Variants in R3HDM1 observed in about 807,000 individuals in gnomAD.
R3HDM1 encodes R3H domain containing 1.
Under a neutral mutation model 141.1 loss-of-function variants are expected in R3HDM1, and 46 were observed. The ratio of observed to expected loss-of-function variants is 0.33; its 90% CI spans 0.26 to 0.42. The LOEUF is 0.42. Among genes scored for constraint, R3HDM1 ranks in the 10% least tolerant of loss-of-function variants. The probability of loss-of-function intolerance (pLI) is 1.00; values close to 1 mark genes in which losing one functional copy is unlikely to be tolerated. For synonymous variants in R3HDM1, 435 were observed against 472.9 expected, an observed-to-expected ratio of 0.92 and a Z score of 1.04; for missense variants, 1,184 against 1,368.3, an observed-to-expected ratio of 0.87 and a Z score of 2.12.
At chr2:135,696,175 C>T (rs2073208108) in intron 21 of R3HDM1, among the ~76,000 whole-genome samples, 1 of 152,036 alleles carries the variant, frequency 6.6e-6, no homozygotes, top group South Asian at 2.1e-4. Context: ...TTGATAACAG[C>T]AACATGGATG....
intron 1 of R3HDM1, chr2:135,581,249 G>T (rs1706736556): frequency 1.0e-6 from 1 of 985,304 alleles, no homozygotes; most frequent in Non-Finnish European, 1.2e-6. Flanking sequence ...TGGGGTATAA[G>T]ATCCTTGAGA....
At chr2:135,548,131 A>G (rs1311661862) in intron 1 of R3HDM1, among the ~76,000 whole-genome samples, 2 of 152,178 alleles carry the variant, frequency 1.3e-5, no homozygotes, top group East Asian at 3.9e-4. Context: ...ACAGAATCAT[A>G]TTCCTTTTGT....
rs1399299759 is a variant in R3HDM1 at position 135,532,281 on chromosome 2, C to T, written c.-250+648C>T. On this transcript the variant is annotated intron_variant, in intron 1 of 26. Coordinates refer to ENST00000683871, the MANE Select transcript of R3HDM1 (RefSeq NM_001378107.1). The stretch of plus-strand genomic sequence containing the variant: ...GTTGAATGACTGTCAGTGCCACGGT[C>T]CCCCGGGATCAGATTTACACACGTT... 2.6e-5 allele frequency among the ~76,000 whole-genome samples: 4 copies of T among 152,332 alleles called. No individual in the cohort carries two copies. In the East Asian group the frequency reaches 5.8e-4, roughly 22 times the overall value.
At chr2:135,599,025 G>C (rs1310811414) in intron 1 of R3HDM1, among the ~76,000 whole-genome samples, 2 of 151,950 alleles carry the variant, frequency 1.3e-5, no homozygotes, top group Non-Finnish European at 2.9e-5. Flanking sequence ...GTCACACTTG[G>C]GAAGGACTTT....
At chr2:135,601,871 A>G (rs2059644935) in intron 1 of R3HDM1, among the ~76,000 whole-genome samples, 1 of 151,580 alleles carries the variant, frequency 6.6e-6, no homozygotes, top group Non-Finnish European at 1.5e-5. Flanking sequence ...TGTGTTGCCC[A>G]TGCTAGTCTT....
chr2:135,667,916 GC>G, intron 19 of R3HDM1: 1 of 344,160 alleles, frequency 2.9e-6, no homozygotes, highest in Non-Finnish European at 4.1e-6. Flanking sequence ...AACGGTTCAT[GC>G]CCAGCAGTCT....
chr2:135,713,864 A>G (rs1006881360), intron 23 of R3HDM1, among the ~76,000 whole-genome samples: 4 of 152,216 alleles, frequency 2.6e-5, no homozygotes, highest in Admixed American at 2.0e-4. Context: ...TTTGGGGCAT[A>G]AAACAATGAT....
chr2:135,724,145 C>T lies in R3HDM1; in HGVS notation c.3258C>T (p.Ser1086=), dbSNP rs1575295731. 6.2e-7 allele frequency: 1 copy of T among 1,613,994 alleles called. No individual in the cohort carries two copies. The highest frequency in any genetic ancestry group is 8.5e-7 in the Non-Finnish European group (1 of 1,179,942). ...PERSKPSDLA[S]TYTVLATFPS... Reference sequence around the variant, plus strand: ...GCTCTAAACCCAGTGACTTGGCCTCCACCTACACCGTCTTAGCCACATTCC... The same window carrying T: ...GCTCTAAACCCAGTGACTTGGCCTCTACCTACACCGTCTTAGCCACATTCC... The change falls in exon 27 of 27, where the codon TCC becomes TCT. Residue 1086 remains serine (S), a synonymous_variant. Transcript: ENST00000683871.
Position 135,710,264 on chromosome 2 carries a change from C to T in R3HDM1, c.2736+33C>T, listed in dbSNP as rs781672981. 3.2e-6 allele frequency: 5 copies of T among 1,578,422 alleles called. No individual in the cohort carries two copies. The East Asian group carries it at 9.1e-5, about 29-fold the overall frequency. On this transcript the variant is annotated intron_variant, in intron 23 of 26. Transcript: ENST00000683871. The stretch of plus-strand genomic sequence containing the variant: ...GGTTTTGTTCATTATCATTTTGAAA[C>T]GTTACATTTTTGTTACCTAAGATTG...
intron 21 of R3HDM1, among the ~76,000 whole-genome samples, chr2:135,698,267 C>G (rs560874750): frequency 6.6e-6 from 1 of 151,200 alleles, no homozygotes; most frequent in African/African-American, 2.4e-5. Context: ...TCACGCCTTT[C>G]TCCTGCCTCA....
chr2:135,563,624 G>A (rs138910694), intron 1 of R3HDM1, among the ~76,000 whole-genome samples: 149 of 152,210 alleles, frequency 9.8e-4, no homozygotes, highest in Admixed American at 2.3e-3. Flanking sequence ...TGGGACCAGG[G>A]TGCGGTAAAT....
chr2:135,551,606 A>G (rs1330387621), intron 1 of R3HDM1, among the ~76,000 whole-genome samples: 1 of 152,258 alleles, frequency 6.6e-6, no homozygotes, highest in Non-Finnish European at 1.5e-5. Context: ...TGAATTGCAT[A>G]GGAACACTGA....
At chr2:135,597,110 C>G (rs1399680642) in intron 1 of R3HDM1, 4 of 978,884 alleles carry the variant, frequency 4.1e-6, no homozygotes, top group African/African-American at 1.8e-5. Context: ...TTCATATAGT[C>G]TTACAAGACT....
chr2:135,630,184 G>A (rs551807797), intron 7 of R3HDM1, among the ~76,000 whole-genome samples: 4 of 146,250 alleles, frequency 2.7e-5, no homozygotes, highest in Non-Finnish European at 3.0e-5. Flanking sequence ...GGCTGAGGCA[G>A]GAGAATTGCT....
In R3HDM1 at chr2:135,616,165, CA is replaced by C; in HGVS notation, c.186del (p.Phe63LeufsTer14). 6.2e-7 allele frequency: 1 copy of C among 1,613,154 alleles called. No homozygotes were observed. The highest frequency in any genetic ancestry group is 8.5e-7 in the Non-Finnish European group (1 of 1,179,202). On this transcript the variant is annotated frameshift_variant, in exon 4 of 27. Transcript: ENST00000683871. LOFTEE classifies it high-confidence loss of function. ...NNIDLQRPLQ[S>X]FGQTGKRSKS... ...TTGTATATTCAGCGGCCATTGCAGT[CA>C]TTTGGACAGACAGGAAAAAGGTCTA... is the stretch of plus-strand genomic sequence containing the variant.
At position 135,631,701 on chromosome 2, in the gene R3HDM1, T is replaced by C. The variant is rs760620681; in HGVS notation, c.498-17T>C. ...TTGCTAAGTTTTACATATAAGAGTCTTCATACTTTGTTTCAGGGACAGAAT... is the reference window on the plus strand; with the variant it reads ...TTGCTAAGTTTTACATATAAGAGTCCTCATACTTTGTTTCAGGGACAGAAT... On this transcript the variant is annotated splice_polypyrimidine_tract_variant and intron_variant, in intron 7 of 26. Transcript: ENST00000683871. The C allele has an allele frequency of 2.6e-6, 4 of 1,557,062 alleles. No homozygotes were observed. The South Asian group carries it at 4.9e-5, about 19-fold the overall frequency.
chr2:135,582,070 G>A (rs185002700), intron 1 of R3HDM1, among the ~76,000 whole-genome samples: 53 of 152,288 alleles, frequency 3.5e-4, no homozygotes, highest in African/African-American at 1.2e-3. Flanking sequence ...GCTCACACCT[G>A]TAATCCTAGC....
intron 1 of R3HDM1, among the ~76,000 whole-genome samples, chr2:135,547,949 T>C (rs1699084002): frequency 6.6e-6 from 1 of 151,926 alleles, no homozygotes; most frequent in East Asian, 1.9e-4. Context: ...AATTTTTGTA[T>C]TTTTAGTAGA....
At chr2:135,573,359 G>C (rs1489669820) in intron 1 of R3HDM1, among the ~76,000 whole-genome samples, 1 of 152,100 alleles carries the variant, frequency 6.6e-6, no homozygotes, top group Non-Finnish European at 1.5e-5. Flanking sequence ...ACTAAAAAGA[G>C]AGCACTCACC....
Sources: gnomAD v4.1 joint callset for allele counts (sites outside exome capture counted in the v4.1 genomes callset) on GRCh38, gnomAD v4.1.1 for gene constraint, MANE v1.5 for transcripts, NCBI Gene and HGNC (gene_info 2026-07-23, HGNC 2026-07-21) for gene names.